CELA2B: variants seen among roughly 807,000 people sequenced by gnomAD.
The protein encoded by CELA2B is chymotrypsin like elastase 2B, also known as chymotrypsin-like elastase family member 2B.
In CELA2B, 27 loss-of-function variants were observed where a neutral mutation model predicts 36.5. The ratio of observed to expected loss-of-function variants is 0.74; its 90% CI spans 0.55 to 1.02. The LOEUF (loss-of-function observed/expected upper bound fraction) is 1.02, where lower values mean the gene tolerates loss of function less well. Ranked by LOEUF, CELA2B falls within the 50% of genes least tolerant of loss-of-function variation. CELA2B has a pLI of 0.00. For synonymous variants in CELA2B, 143 were observed against 148.5 expected, an observed-to-expected ratio of 0.96 and a Z score of 0.27; for missense variants, 340 against 347.8, an observed-to-expected ratio of 0.98 and a Z score of 0.18.
intron 5 of CELA2B, among the ~76,000 whole-genome samples, chr1:15,485,579 T>C (rs768587636): frequency 2.6e-5 from 4 of 152,254 alleles, no homozygotes; most frequent in Admixed American, 6.5e-5. Flanking sequence ...TTCATTCTTC[T>C]GCACATAGAA....
intron 2 of CELA2B, among the ~76,000 whole-genome samples, chr1:15,479,003 T>G (rs1708709857): frequency 6.6e-6 from 1 of 152,152 alleles, no homozygotes; most frequent in African/African-American, 2.4e-5. Flanking sequence ...CGGGGGGGAA[T>G]GAGGATTCAA....
chr1:15,478,215 TATTGGG>T (rs60469033), intron 2 of CELA2B, among the ~76,000 whole-genome samples: 70,193 of 146,866 alleles, frequency 0.48, 16,627 homozygotes, highest in African/African-American at 0.57. Flanking sequence ...TATATATATA[TATTGGG>T]ATATATAGTT....
Position 15,487,406 on chromosome 1 carries a change from G to A in CELA2B, c.761G>A (p.Arg254Gln), listed in dbSNP as rs1417030632. Residue 254 changes from arginine to glutamine, a missense_variant, in exon 7 of 8, where the codon CGG becomes CAG. Arg to Gln is a conservative substitution (Grantham distance 43, BLOSUM62 1). Coordinates refer to ENST00000375910, the MANE Select transcript of CELA2B (RefSeq NM_015849.3). Reference sequence around the variant, plus strand: ...TACTACAAGCCCTCCATCTTCACGCGGGTCTCCAACTACAACGACTGGATC... The same window carrying A: ...TACTACAAGCCCTCCATCTTCACGCAGGTCTCCAACTACAACGACTGGATC... The part of the protein sequence containing the change: ...NYYYKPSIFT[R>Q]VSNYNDWINS... The A allele has an allele frequency of 7.4e-6, 12 of 1,614,104 alleles. No individual in the cohort carries two copies. Among genetic ancestry groups the A allele is most frequent in the Middle Eastern group, 1.6e-4 (1 of 6,084 alleles).
chr1:15,485,801 G>T, intron 5 of CELA2B, 100 bp from the exon 6 acceptor site: 2 of 1,414,260 alleles, frequency 1.4e-6, no homozygotes, highest in East Asian at 2.3e-5. Flanking sequence ...ATGTTGCAAT[G>T]GATGGAAGAT....
At chr1:15,480,417 C>T (rs566011943) in intron 2 of CELA2B, among the ~76,000 whole-genome samples, 16 of 152,188 alleles carry the variant, frequency 1.1e-4, no homozygotes, top group East Asian at 3.9e-4. Flanking sequence ...TGTATTAATC[C>T]GTTCTCACAC....
Position 15,487,436 on chromosome 1 carries a change from C to T in CELA2B, c.791C>T (p.Ser264Leu), listed in dbSNP as rs765578060. 14 of 1,614,192 alleles carry T rather than the reference C, an allele frequency of 8.7e-6. No homozygotes were observed. Among genetic ancestry groups the T allele is most frequent in the South Asian group, 2.2e-5 (2 of 91,078 alleles). The change falls in exon 7 of 8, where the codon TCG becomes TTG. Residue 264 changes from serine (S) to leucine (L), a missense_variant and splice_region_variant. Transcript: ENST00000375910. ...RVSNYNDWIN[S>L]VIANN Reference sequence around the variant, plus strand: ...TCCAACTACAACGACTGGATCAATTCGGTAAGAACCGGAGCAGCCCTGAGC... The same window carrying T: ...TCCAACTACAACGACTGGATCAATTTGGTAAGAACCGGAGCAGCCCTGAGC...
rs1412754198 is a variant in CELA2B at position 15,487,429 on chromosome 1, A to T, written c.784A>T (p.Ile262Phe). 1 of 1,614,226 alleles carries T rather than the reference A, an allele frequency of 6.2e-7. No homozygotes were observed. The highest frequency in any genetic ancestry group is 8.5e-7 in the Non-Finnish European group (1 of 1,180,030). The change falls in exon 7 of 8, where the codon ATC becomes TTC. Residue 262 changes from isoleucine (I) to phenylalanine (F), a missense_variant. Transcript: ENST00000375910. ...GCGGGTCTCCAACTACAACGACTGG[A>T]TCAATTCGGTAAGAACCGGAGCAGC... is the stretch of plus-strand genomic sequence containing the variant. ...FTRVSNYNDW[I>F]NSVIANN is the part of the protein sequence containing the mutation.
chr1:15,491,002 G>T (rs114099712), intron 7 of CELA2B: 4 of 411,592 alleles, frequency 9.7e-6, no homozygotes, highest in Non-Finnish European at 8.9e-6. Flanking sequence ...TATGCCATCC[G>T]CACATTTGGC....
At chr1:15,486,317 C>T (rs1007998532) in intron 6 of CELA2B, among the ~76,000 whole-genome samples, 32 of 152,148 alleles carry the variant, frequency 2.1e-4, no homozygotes, top group Non-Finnish European at 3.4e-4. Context: ...CCTGTCTCTA[C>T]TAAAAATAAA....
chr1:15,476,105 C>G lies in CELA2B; in HGVS notation c.-21C>G, dbSNP rs767923019. The G allele has an allele frequency of 6.2e-7, 1 of 1,613,464 alleles. No homozygotes were observed. The highest frequency in any genetic ancestry group is 1.1e-5 in the South Asian group (1 of 90,928). ...AGGGCCTTATCCAGGGCCACGCTTA[C>G]AGAACTCCCACGGACACACCATGAT... On this transcript the variant is annotated 5_prime_UTR_variant, in exon 1 of 8. Coordinates refer to ENST00000375910, the MANE Select transcript of CELA2B (RefSeq NM_015849.3).
intron 3 of CELA2B, 86 bp downstream of exon 3, chr1:15,481,281 A>G (rs1708739462): frequency 6.8e-7 from 1 of 1,470,280 alleles, no homozygotes; most frequent in Admixed American, 1.7e-5. Context: ...GAACCACACT[A>G]CATGAAGTAA....
chr1:15,482,474 C>A (rs907987154), intron 4 of CELA2B, 81 bp downstream of exon 4: 7 of 1,566,894 alleles, frequency 4.5e-6, no homozygotes, highest in African/African-American at 1.4e-5. Context: ...GGTCTCAACC[C>A]CACCACACCC....
At chr1:15,490,587 G>C (rs551968146) in intron 7 of CELA2B, among the ~76,000 whole-genome samples, 1 of 152,282 alleles carries the variant, frequency 6.6e-6, no homozygotes, top group South Asian at 2.1e-4. Context: ...TGTTTAACAG[G>C]CTGGGCGCGG....
Position 15,482,382 on chromosome 1 carries a change from G to T in CELA2B, c.345G>T (p.Gln115His). The T allele has an allele frequency of 6.2e-7, 1 of 1,614,088 alleles. No individual in the cohort carries two copies. Among genetic ancestry groups the T allele is most frequent in the Non-Finnish European group, 8.5e-7 (1 of 1,179,974 alleles). The change falls in exon 4 of 8, where the codon CAG becomes CAT. Residue 115 changes from glutamine to histidine, a missense_variant. Physicochemically the swap from Gln to His is conservative, Grantham distance 24 (BLOSUM62 0). Coordinates refer to ENST00000375910, the MANE Select transcript of CELA2B (RefSeq NM_015849.3). ...IVVHKDWNSDQVSKGNDIALL... is the reference protein window; with the variant it reads ...IVVHKDWNSDHVSKGNDIALL... ...TGCACAAGGACTGGAACTCCGACCA[G>T]GTCTCCAAAGGGTTCGTTTCTATCT...
chr1:15,476,435 A>C (rs1260362139), intron 1 of CELA2B, 22 bp from the exon 2 acceptor site: 2 of 1,611,886 alleles, frequency 1.2e-6, no homozygotes, highest in Admixed American at 3.3e-5. Flanking sequence ...TCCTGGACTC[A>C]AGACCCTTTC....
At chr1:15,490,327 T>A (rs1295047659) in intron 7 of CELA2B, among the ~76,000 whole-genome samples, 2 of 152,234 alleles carry the variant, frequency 1.3e-5, no homozygotes, top group Non-Finnish European at 2.9e-5. Context: ...CATACTGTTC[T>A]GCAGCTATTT....
At position 15,485,492 on chromosome 1, in the gene CELA2B, G is replaced by T. The variant is rs1164297985; in HGVS notation, c.494-409G>T. Among the ~76,000 whole-genome samples, 4 of 152,390 alleles carry T rather than the reference G, an allele frequency of 2.6e-5. No homozygotes were observed. In the East Asian group the frequency reaches 7.7e-4, roughly 29 times the overall value. On this transcript the variant is annotated intron_variant, in intron 5 of 7. Coordinates refer to ENST00000375910, the MANE Select transcript of CELA2B (RefSeq NM_015849.3). ...GAGATATAGCCAGGCATCAGGAAGA[G>T]ACTAGAATCAGGGGCTGGAAGCCTG...
intron 3 of CELA2B, chr1:15,481,875 A>G (rs944713812): frequency 1.0e-5 from 4 of 400,440 alleles, no homozygotes; most frequent in Non-Finnish European, 2.0e-5. Context: ...CTGATTTCTC[A>G]CTAACGGTGG....
intron 6 of CELA2B, among the ~76,000 whole-genome samples, 174 bp from the exon 7 acceptor site, chr1:15,487,111 G>A (rs1708813423): frequency 6.6e-6 from 1 of 152,240 alleles, no homozygotes; most frequent in Non-Finnish European, 1.5e-5. Flanking sequence ...CTCTAAGGAA[G>A]AATAAGTGTT....
Sources: allele counts gnomAD v4.1 joint callset (sites outside exome capture counted in the v4.1 genomes callset), GRCh38; gene constraint gnomAD v4.1.1; transcripts MANE v1.5; gene names NCBI Gene and HGNC (gene_info 2026-07-23, HGNC 2026-07-21).